OPCML: variants seen among roughly 807,000 people sequenced by gnomAD.
OPCML encodes the protein opioid-binding protein/cell adhesion molecule.
Under a neutral mutation model 37.8 loss-of-function variants are expected in OPCML, and 13 were observed. The ratio of observed to expected loss-of-function variants is 0.34; its 90% CI spans 0.22 to 0.55. The LOEUF is 0.55. OPCML is among the 20% of genes least tolerant of loss of function. OPCML has a pLI of 0.91. For missense variants in OPCML, 341 were observed against 435.6 expected (o/e 0.78, Z 1.93); for synonymous variants, 176 against 168.8 (o/e 1.04, Z -0.33).
chr11:132,486,202 C>T (rs1206693133), intron 4 of OPCML, among the ~76,000 whole-genome samples: 2 of 152,076 alleles, frequency 1.3e-5, no homozygotes, highest in African/African-American at 2.4e-5. Context: ...GTGGGTGGCC[C>T]CAGTGCTGTG....
intron 1 of OPCML, among the ~76,000 whole-genome samples, chr11:133,143,475 T>C (rs568302349): frequency 6.6e-6 from 1 of 152,312 alleles, no homozygotes; most frequent in African/African-American, 2.4e-5. Context: ...CCAGAATGCA[T>C]GCATGGAGCA....
At chr11:133,291,341 T>G (rs1293031743) in intron 1 of OPCML, among the ~76,000 whole-genome samples, 2 of 152,224 alleles carry the variant, frequency 1.3e-5, no homozygotes, top group Non-Finnish European at 2.9e-5. Flanking sequence ...GGAAGAGCTG[T>G]TGGCATAGGT....
chr11:132,691,876 G>A (rs1299314595), intron 2 of OPCML, among the ~76,000 whole-genome samples: 1 of 152,132 alleles, frequency 6.6e-6, no homozygotes, highest in Non-Finnish European at 1.5e-5. Flanking sequence ...ATTTCACAGA[G>A]GGGACTTAGA....
intron 2 of OPCML, among the ~76,000 whole-genome samples, chr11:132,712,494 C>A (rs985456895): frequency 1.6e-4 from 25 of 152,184 alleles, no homozygotes; most frequent in African/African-American, 6.0e-4. Flanking sequence ...CTGTTTCTTT[C>A]TTTTTAGCCG....
chr11:133,208,808 T>C lies in OPCML; in HGVS notation c.62-265798A>G, dbSNP rs898204931. Reference sequence around the variant, plus strand: ...GATACACCAAGTGCTGGAGTGAAGATATAAGACTTCATTCCCTATAAATCA... The same window carrying C: ...GATACACCAAGTGCTGGAGTGAAGACATAAGACTTCATTCCCTATAAATCA... On this transcript the variant is annotated intron_variant, in intron 1 of 7. Coordinates refer to ENST00000524381, the MANE Select transcript of OPCML (RefSeq NM_001012393.5). The surrounding 1 kb of genome is among the most constrained non-coding windows in gnomAD (Gnocchi z 8.9). Among the ~76,000 whole-genome samples, 1 of 152,196 alleles carries C rather than the reference T, an allele frequency of 6.6e-6. No homozygotes were observed. Among genetic ancestry groups the C allele is most frequent in the Non-Finnish European group, 1.5e-5 (1 of 68,038 alleles).
intron 1 of OPCML, among the ~76,000 whole-genome samples, chr11:132,978,015 G>A (rs1371175621): frequency 1.3e-5 from 2 of 152,104 alleles, no homozygotes; most frequent in African/African-American, 4.8e-5. Flanking sequence ...AATGGTTTGT[G>A]GACTTGGGAA....
At chr11:133,014,519 G>C (rs1278981404) in intron 1 of OPCML, among the ~76,000 whole-genome samples, 3 of 152,144 alleles carry the variant, frequency 2.0e-5, no homozygotes, top group Middle Eastern at 3.2e-3. Context: ...AAGGTCTCAC[G>C]GCTCACTCAA....
intron 2 of OPCML, among the ~76,000 whole-genome samples, chr11:132,763,495 C>T (rs146297793): frequency 5.3e-5 from 8 of 152,214 alleles, no homozygotes; most frequent in Non-Finnish European, 1.0e-4. Context: ...TTCCACTATG[C>T]GTTGTGGCTT....
intron 4 of OPCML, among the ~76,000 whole-genome samples, chr11:132,518,189 G>T (rs1235316764): frequency 6.6e-6 from 1 of 152,082 alleles, no homozygotes; most frequent in Non-Finnish European, 1.5e-5. Flanking sequence ...TTTAAGACCC[G>T]CATGCATTAG....
chr11:133,270,071 A>G (rs1030413469), intron 1 of OPCML, among the ~76,000 whole-genome samples: 2 of 152,152 alleles, frequency 1.3e-5, no homozygotes, highest in African/African-American at 4.8e-5. Context: ...CTCCTGTCCT[A>G]TTCATGTGGA....
At chr11:132,949,484 G>C (rs1184173040) in intron 1 of OPCML, among the ~76,000 whole-genome samples, 1 of 152,170 alleles carries the variant, frequency 6.6e-6, no homozygotes, top group Non-Finnish European at 1.5e-5. Context: ...GCTGAGTACT[G>C]CTGCTGCTTT....
At chr11:132,902,904 A>G (rs78997668) in intron 2 of OPCML, among the ~76,000 whole-genome samples, 15,852 of 151,778 alleles carry the variant, frequency 0.1, 1,091 homozygotes, top group African/African-American at 0.18. Flanking sequence ...TACCTGGGAG[A>G]CTTTATCTGC....
At chr11:132,485,704 G>A (rs568367066) in intron 4 of OPCML, among the ~76,000 whole-genome samples, 3 of 152,242 alleles carry the variant, frequency 2.0e-5, no homozygotes, top group Admixed American at 6.5e-5. Flanking sequence ...TTATTTTGAA[G>A]TTTATCCATG....
intron 2 of OPCML, among the ~76,000 whole-genome samples, chr11:132,840,500 G>C (rs1278205583): frequency 6.6e-6 from 1 of 152,104 alleles, no homozygotes; most frequent in Non-Finnish European, 1.5e-5. Flanking sequence ...AGTTCTGCTA[G>C]TGGGTGGAAA....
chr11:132,749,029 A>G (rs1206653644), intron 2 of OPCML, among the ~76,000 whole-genome samples: 1 of 152,154 alleles, frequency 6.6e-6, no homozygotes, highest in Non-Finnish European at 1.5e-5. Flanking sequence ...ACACACTGTG[A>G]TGTTTCTAGG....
intron 1 of OPCML, among the ~76,000 whole-genome samples, chr11:133,024,087 A>G (rs574312067): frequency 6.6e-6 from 1 of 152,302 alleles, no homozygotes; most frequent in South Asian, 2.1e-4. Flanking sequence ...CTCCCATGTG[A>G]TCATTATGGT....
chr11:133,207,795 C>A (rs1939154796), intron 1 of OPCML, among the ~76,000 whole-genome samples: 1 of 152,134 alleles, frequency 6.6e-6, no homozygotes, highest in Admixed American at 6.6e-5. Flanking sequence ...ACATTGCCGT[C>A]ACTATGATTA....
chr11:133,008,947 G>C, intron 1 of OPCML: 1 of 985,404 alleles, frequency 1.0e-6, no homozygotes, highest in Non-Finnish European at 1.2e-6. Flanking sequence ...AGAAGACTGA[G>C]CAATTTTCTA....
intron 1 of OPCML, among the ~76,000 whole-genome samples, chr11:133,048,156 C>G (rs555948341): frequency 6.6e-6 from 1 of 152,238 alleles, no homozygotes; most frequent in African/African-American, 2.4e-5. Flanking sequence ...CTAATACTTA[C>G]AAAAAACTTG....
Sources: allele counts gnomAD v4.1 joint callset (sites outside exome capture counted in the v4.1 genomes callset), GRCh38; gene constraint gnomAD v4.1.1; non-coding constraint Gnocchi (gnomAD v3.1); transcripts MANE v1.5; gene names NCBI Gene and HGNC (gene_info 2026-07-23, HGNC 2026-07-21).